Variants in PARD6G observed in about 807,000 individuals in gnomAD.
PARD6G encodes par-6 family cell polarity regulator gamma.
Under a neutral mutation model 10.7 loss-of-function variants are expected in PARD6G, and 7 were observed. That is an observed-to-expected ratio of 0.66 (90% CI 0.37 to 1.23). PARD6G has a LOEUF of 1.23. Ranked by LOEUF, PARD6G falls within the 50% of genes most tolerant of loss-of-function variation. PARD6G has a pLI of 0.02. For missense variants in PARD6G, 548 were observed against 571.8 expected (o/e 0.96, Z 0.42); for synonymous variants, 287 against 269.4 (o/e 1.07, Z -0.64).
intron 2 of PARD6G, among the ~76,000 whole-genome samples, chr18:80,196,017 C>G (rs1966953450): frequency 6.6e-6 from 1 of 151,780 alleles, no homozygotes; most frequent in Non-Finnish European, 1.5e-5. Flanking sequence ...CCAGCAAGAA[C>G]ATTTCTACCA....
In PARD6G at chr18:80,157,976, C is replaced by T. The variant is rs1443946735; in HGVS notation, c.*1795G>A. On this transcript the variant is annotated 3_prime_UTR_variant, in exon 3 of 3. Coordinates refer to ENST00000353265, the MANE Select transcript of PARD6G (RefSeq NM_032510.4). ...AGAAGCAGCGGGAGGTACGCAGCTC[C>T]GACAACCTAGAAAAATATTTCTTTA... The T allele has an allele frequency of 2.0e-5, 3 of 152,120 alleles. No individual in the cohort carries two copies. The highest frequency in any genetic ancestry group is 4.8e-5 in the African/African-American group (2 of 41,374). 9.4% of individuals were successfully genotyped at this position (152,120 alleles called of 1,614,324 possible). A position where few individuals can be genotyped will look rare whatever the true frequency, so the allele number is the denominator to read the frequency against.
chr18:80,233,437 G>A (rs1267314723), intron 1 of PARD6G, among the ~76,000 whole-genome samples: 1 of 152,132 alleles, frequency 6.6e-6, no homozygotes, highest in African/African-American at 2.4e-5. Context: ...AGGCCATGGG[G>A]GTCAGTGCCA....
chr18:80,199,413 C>G (rs1966988518), intron 2 of PARD6G, among the ~76,000 whole-genome samples: 2 of 152,194 alleles, frequency 1.3e-5, no homozygotes, highest in South Asian at 4.1e-4. Flanking sequence ...CATGCGCACA[C>G]TTTTTTATCC....
intron 1 of PARD6G, among the ~76,000 whole-genome samples, chr18:80,230,260 C>T (rs1967343021): frequency 2.0e-5 from 3 of 152,202 alleles, no homozygotes; most frequent in Admixed American, 6.5e-5. Flanking sequence ...ACCTTCAAGC[C>T]GGGGAGCACC....
rs2052661740 is a variant in PARD6G at position 80,157,235 on chromosome 18, T to G, written c.*2536A>C. 1 of 152,276 alleles carries G rather than the reference T, an allele frequency of 6.6e-6. No individual in the cohort carries two copies. The highest frequency in any genetic ancestry group is 2.4e-5 in the African/African-American group (1 of 41,472). The allele number at this position is 152,276 out of a possible 1,614,324, so 9.4% of individuals were successfully genotyped here. A position where few individuals can be genotyped will look rare whatever the true frequency, so the allele number is the denominator to read the frequency against. ...ACACAGGTGAAATATTCATGCATTT[T>G]GTTTACTCAAAAGTCAAAAAAGTTT... On this transcript the variant is annotated 3_prime_UTR_variant, in exon 3 of 3. Coordinates refer to ENST00000353265, the MANE Select transcript of PARD6G (RefSeq NM_032510.4).
At chr18:80,238,828 G>C (rs758662773) in intron 1 of PARD6G, among the ~76,000 whole-genome samples, 49 of 151,386 alleles carry the variant, frequency 3.2e-4, no homozygotes, top group Non-Finnish European at 5.9e-4. Context: ...GAGTAGGAAA[G>C]GATCGGCTTG....
At chr18:80,226,118 C>A (rs1967285569) in intron 1 of PARD6G, among the ~76,000 whole-genome samples, 2 of 149,688 alleles carry the variant, frequency 1.3e-5, no homozygotes, top group Non-Finnish European at 1.5e-5. Flanking sequence ...TCCAGCTACC[C>A]AGCCCCCTCC....
At chr18:80,162,339 A>T (rs2052706018) in intron 2 of PARD6G, 2 of 153,974 alleles carry the variant, frequency 1.3e-5, no homozygotes, top group Admixed American at 1.3e-4. Context: ...CTGTATCAAA[A>T]TCTCATGTAA....
At chr18:80,207,962 CAG>C (rs1599864799) in intron 1 of PARD6G, among the ~76,000 whole-genome samples, 1 of 152,272 alleles carries the variant, frequency 6.6e-6, no homozygotes, top group East Asian at 1.9e-4. Flanking sequence ...AAGAGCTCTT[CAG>C]AGTCAGAAAA....
rs1967358645 is a variant in PARD6G, at chr18:80,231,631, A to T, written c.72+15646T>A. 1.3e-5 allele frequency among the ~76,000 whole-genome samples: 2 copies of T among 152,186 alleles called. No homozygotes were observed. The highest frequency in any genetic ancestry group is 4.8e-5 in the African/African-American group (2 of 41,434). The stretch of plus-strand genomic sequence containing the variant: ...ATCCTGTTCCTCCTTCATAAAATAG[A>T]TAAAAACATTCATCCCAGGGTTGTG... On this transcript the variant is annotated intron_variant, in intron 1 of 2. Coordinates refer to ENST00000353265, the MANE Select transcript of PARD6G (RefSeq NM_032510.4). This position sits in a 1 kb window ranked among gnomAD's most constrained non-coding sequence, Gnocchi z 4.2.
rs1039916285 is a variant in PARD6G at position 80,203,533 on chromosome 18, G to A, written c.73-601C>T. Among the ~76,000 whole-genome samples the A allele has an allele frequency of 7.9e-5, 12 of 152,188 alleles. 1 individual carries two copies. Among genetic ancestry groups the A allele is most frequent in the Admixed American group, 7.2e-4 (11 of 15,286 alleles). On this transcript the variant is annotated intron_variant, in intron 1 of 2. Coordinates refer to ENST00000353265, the MANE Select transcript of PARD6G (RefSeq NM_032510.4). ...TCCTGAGGACAGGATAGGACGGGCT[G>A]TGTAGCTCATGTTGTAGGAAAAAGC...
chr18:80,227,759 C>T (rs1163252228), intron 1 of PARD6G, among the ~76,000 whole-genome samples: 3 of 152,172 alleles, frequency 2.0e-5, no homozygotes, highest in Admixed American at 2.0e-4. Flanking sequence ...CCCCACCCCA[C>T]ATCCTTCCCT....
Position 80,159,806 on chromosome 18 carries a change from C to T in PARD6G, c.1096G>A (p.Gly366Ser), listed in dbSNP as rs981986265. Residue 366 changes from glycine to serine, a missense_variant, in exon 3 of 3, where the codon GGC (glycine) becomes AGC (serine). Coordinates refer to ENST00000353265, the MANE Select transcript of PARD6G (RefSeq NM_032510.4). The stretch of plus-strand genomic sequence containing the variant: ...ACCGCGGGCCCGTGCTCCTCCACGC[C>T]GCCTGGCGGCAGCGCCAGGCTGTGA... Reference protein sequence around the residue: ...PRHSLALPPGGVEEHGPAVTL With the variant: ...PRHSLALPPGSVEEHGPAVTL 65 of 1,457,038 alleles carry T rather than the reference C, an allele frequency of 4.5e-5. No homozygotes were observed. Among genetic ancestry groups the T allele is most frequent in the Non-Finnish European group, 5.7e-5 (63 of 1,110,892 alleles). 90.3% of individuals were successfully genotyped at this position (1,457,038 alleles called of 1,614,324 possible).
At chr18:80,165,189 A>G (rs1251301736) in intron 2 of PARD6G, among the ~76,000 whole-genome samples, 2 of 152,320 alleles carry the variant, frequency 1.3e-5, no homozygotes, top group Non-Finnish European at 1.5e-5. Flanking sequence ...TCCTTATCTC[A>G]ATCACATAAG....
intron 1 of PARD6G, among the ~76,000 whole-genome samples, chr18:80,236,994 A>C (rs1437389771): frequency 6.6e-6 from 1 of 152,194 alleles, no homozygotes. Flanking sequence ...AATTGGAAAA[A>C]ACTACTTTAA....
chr18:80,207,596 T>C (rs1967066035), intron 1 of PARD6G, among the ~76,000 whole-genome samples: 1 of 152,216 alleles, frequency 6.6e-6, no homozygotes, highest in Non-Finnish European at 1.5e-5. Context: ...CTATTTCATT[T>C]ATAATTGTGG....
At chr18:80,244,375 G>A (rs769947934) in intron 1 of PARD6G, among the ~76,000 whole-genome samples, 13 of 152,128 alleles carry the variant, frequency 8.5e-5, no homozygotes, top group Non-Finnish European at 1.8e-4. Context: ...TATAAGGGCT[G>A]CAAAATGAGG....
rs1265771432 is a variant in PARD6G at position 80,182,469 on chromosome 18, G to A, written c.295+20241C>T. ...TACAGATACAAAAATAAACATGTTTGCCTTTGCTTGTTATTGCCAAGGAAG... is the reference window on the plus strand; with the variant it reads ...TACAGATACAAAAATAAACATGTTTACCTTTGCTTGTTATTGCCAAGGAAG... On this transcript the variant is annotated intron_variant, in intron 2 of 2. Coordinates refer to ENST00000353265, the MANE Select transcript of PARD6G (RefSeq NM_032510.4). The surrounding 1 kb of genome is among the most constrained non-coding windows in gnomAD (Gnocchi z 4.5). Among the ~76,000 whole-genome samples the A allele has an allele frequency of 6.6e-6, 1 of 152,214 alleles. No homozygotes were observed. Among genetic ancestry groups the A allele is most frequent in the Non-Finnish European group, 1.5e-5 (1 of 68,036 alleles).
chr18:80,198,697 T>A (rs1966981158), intron 2 of PARD6G, among the ~76,000 whole-genome samples: 1 of 152,204 alleles, frequency 6.6e-6, no homozygotes, highest in Admixed American at 6.5e-5. Context: ...GAGGATTTTT[T>A]TTTAAAGTTT....
Sources: allele counts gnomAD v4.1 joint callset (sites outside exome capture counted in the v4.1 genomes callset), GRCh38; gene constraint gnomAD v4.1.1; non-coding constraint Gnocchi (gnomAD v3.1); transcripts MANE v1.5; gene names NCBI Gene and HGNC (gene_info 2026-07-23, HGNC 2026-07-21).